Variants in PTPRG observed in about 807,000 individuals in gnomAD.
PTPRG encodes the protein receptor-type tyrosine-protein phosphatase gamma.
In PTPRG, 102 loss-of-function variants were observed where a neutral mutation model predicts 165.3. The observed-to-expected ratio is 0.62, with a 90% CI of 0.53 to 0.73. The LOEUF (loss-of-function observed/expected upper bound fraction) is 0.73, where lower values mean the gene tolerates loss of function less well. Ranked by LOEUF, PTPRG falls within the 30% of genes least tolerant of loss-of-function variation. The pLI is 0.00. For synonymous variants in PTPRG, 675 were observed against 669.5 expected, an observed-to-expected ratio of 1.01 and a Z score of -0.13; for missense variants, 1,866 against 1,861.4, an observed-to-expected ratio of 1.00 and a Z score of -0.05.
At chr3:62,247,204 C>CT (rs1198238872) in intron 15 of PTPRG, among the ~76,000 whole-genome samples, 6 of 152,050 alleles carry the variant, frequency 3.9e-5, no homozygotes, top group Admixed American at 3.3e-4. Context: ...GGTTCAGAGA[C>CT]TTTTTTTTAA....
chr3:61,817,090 TTAC>T (rs2035798080), intron 2 of PTPRG, among the ~76,000 whole-genome samples: 1 of 130,868 alleles, frequency 7.6e-6, no homozygotes, highest in Non-Finnish European at 1.6e-5. Context: ...ATAATATATA[TTAC>T]ATATTATTAC....
intron 1 of PTPRG, among the ~76,000 whole-genome samples, chr3:61,671,157 T>A (rs76130257): frequency 6.1e-5 from 7 of 114,456 alleles, no homozygotes; most frequent in Admixed American, 2.8e-4. Context: ...TTTTTTTTTT[T>A]AATTGATCAT....
chr3:61,685,317 A>G (rs1384513609), intron 1 of PTPRG, among the ~76,000 whole-genome samples: 1 of 152,206 alleles, frequency 6.6e-6, no homozygotes, highest in African/African-American at 2.4e-5. Flanking sequence ...TTTGGTTAGA[A>G]AGGAAGTCTG....
intron 20 of PTPRG, among the ~76,000 whole-genome samples, chr3:62,270,726 A>G (rs1702032239): frequency 6.6e-6 from 1 of 152,220 alleles, no homozygotes; most frequent in Non-Finnish European, 1.5e-5. Context: ...AAAATTTAGA[A>G]ATTAGGTATT....
chr3:61,894,056 C>G (rs1575761037), intron 2 of PTPRG, among the ~76,000 whole-genome samples: 1 of 152,110 alleles, frequency 6.6e-6, no homozygotes, highest in East Asian at 1.9e-4. Context: ...CTAATCCCAG[C>G]ACTGTGAGAG....
chr3:61,572,522 A>G (rs1700079444), intron 1 of PTPRG, among the ~76,000 whole-genome samples: 1 of 152,180 alleles, frequency 6.6e-6, no homozygotes, highest in South Asian at 2.1e-4. Flanking sequence ...ACTGCATTTA[A>G]AAGAAAAAAT....
intron 1 of PTPRG, among the ~76,000 whole-genome samples, chr3:61,720,110 A>T (rs1158821548): frequency 6.6e-6 from 1 of 151,612 alleles, no homozygotes; most frequent in Middle Eastern, 3.2e-3. Context: ...AAACACCATG[A>T]TGACAAGGGA....
chr3:62,267,428 A>T lies in PTPRG; in HGVS notation c.2675A>T (p.Lys892Met). The change falls in exon 18 of 30, where the codon AAG (lysine) becomes ATG (methionine). Residue 892 changes from lysine to methionine, a missense_variant. Transcript: ENST00000474889. ...TCTATAGATGATCACAGTAGGGTGA[A>T]GTTAAGACCTTTACCAGGAAAAGAC... ...NILAYDHSRV[K>M]LRPLPGKDSK... 6.2e-7 allele frequency: 1 copy of T among 1,609,094 alleles called. No homozygotes were observed. Among genetic ancestry groups the T allele is most frequent in the Non-Finnish European group, 8.5e-7 (1 of 1,176,428 alleles).
At chr3:61,769,809 C>A (rs1443466120) in intron 2 of PTPRG, 1 of 151,974 alleles carries the variant, frequency 6.6e-6, no homozygotes, top group African/African-American at 2.4e-5. Context: ...CTTGAACTGT[C>A]CTTTTGTTTT....
chr3:61,598,839 C>T (rs944124103), intron 1 of PTPRG, among the ~76,000 whole-genome samples: 4 of 152,022 alleles, frequency 2.6e-5, no homozygotes, highest in Non-Finnish European at 5.9e-5. Flanking sequence ...CATTCTTTGG[C>T]CCGCGGAAGC....
chr3:61,661,096 A>T lies in PTPRG; in HGVS notation c.86-87782A>T, dbSNP rs1378926572. ...AATTTTTTTTTTTTCTTTAAGAGAC[A>T]AGAGTCTTGCTCAGTTGTCCAGGCT... On this transcript the variant is annotated intron_variant, in intron 1 of 29. Coordinates refer to ENST00000474889, the MANE Select transcript of PTPRG (RefSeq NM_002841.4). 2.6e-5 allele frequency among the ~76,000 whole-genome samples: 4 copies of T among 151,950 alleles called. No individual in the cohort carries two copies. In the East Asian group the frequency reaches 7.7e-4, roughly 29 times the overall value.
At chr3:61,604,788 G>A (rs1301417760) in intron 1 of PTPRG, among the ~76,000 whole-genome samples, 2 of 152,064 alleles carry the variant, frequency 1.3e-5, no homozygotes, top group African/African-American at 4.8e-5. Context: ...GCCACATGGA[G>A]GGTTCATTGT....
Position 62,036,983 on chromosome 3 carries a change from G to GCGCGCACA in PTPRG, c.519+33487_519+33488insGCGCACAC, listed in dbSNP as rs145992725. ...CAGTGCTGCACGTGCGCGCGCGCACGCACACACACACACACACACACACAC... is the reference window on the plus strand; with the variant it reads ...CAGTGCTGCACGTGCGCGCGCGCACGCGCGCACACACACACACACACACACACACACAC... On this transcript the variant is annotated intron_variant, in intron 4 of 29. Coordinates refer to ENST00000474889, the MANE Select transcript of PTPRG (RefSeq NM_002841.4). Among the ~76,000 whole-genome samples, 14 of 150,562 alleles carry GCGCGCACA rather than the reference G, an allele frequency of 9.3e-5. No homozygotes were observed. In the East Asian group the frequency reaches 1.8e-3, roughly 19 times the overall value.
At chr3:62,098,750 C>T (rs1029226592) in intron 5 of PTPRG, among the ~76,000 whole-genome samples, 4 of 152,190 alleles carry the variant, frequency 2.6e-5, no homozygotes, top group African/African-American at 4.8e-5. Context: ...TGTGAATATT[C>T]TAGAAGACAT....
chr3:61,571,255 G>T (rs1700047421), intron 1 of PTPRG, among the ~76,000 whole-genome samples: 1 of 152,222 alleles, frequency 6.6e-6, no homozygotes, highest in South Asian at 2.1e-4. Context: ...GGGGTAGCAA[G>T]GCGCGGGGAG....
rs563351836 is a variant in PTPRG at position 61,704,658 on chromosome 3, G to A, written c.86-44220G>A. On this transcript the variant is annotated intron_variant, in intron 1 of 29. Coordinates refer to ENST00000474889, the MANE Select transcript of PTPRG (RefSeq NM_002841.4). ...AAATGCTATGGTAAAAACACCTGGT[G>A]GCTGTTGCCTTAAAGAAAAACTCCT... 1.3e-4 allele frequency among the ~76,000 whole-genome samples: 19 copies of A among 150,746 alleles called. No individual in the cohort carries two copies. The East Asian group carries it at 2.6e-3, about 20-fold the overall frequency.
chr3:61,855,384 T>C (rs1490800327), intron 2 of PTPRG, among the ~76,000 whole-genome samples: 1 of 152,196 alleles, frequency 6.6e-6, no homozygotes, highest in Non-Finnish European at 1.5e-5. Flanking sequence ...TAGACTTTCA[T>C]GGTGTAGAGA....
intron 2 of PTPRG, among the ~76,000 whole-genome samples, chr3:61,930,211 CT>C (rs1347106303): frequency 2.0e-5 from 3 of 152,098 alleles, no homozygotes; most frequent in African/African-American, 7.2e-5. Context: ...GCCATCTTGC[CT>C]GTTTCAGCTG....
chr3:62,100,509 A>G lies in PTPRG; in HGVS notation c.615+22251A>G, dbSNP rs538045231. 1.4e-3 allele frequency among the ~76,000 whole-genome samples: 212 copies of G among 152,232 alleles called. 2 individuals are homozygous for G. Among genetic ancestry groups the G allele is most frequent in the Non-Finnish European group, 2.6e-3 (174 of 68,010 alleles). On this transcript the variant is annotated intron_variant, in intron 5 of 29. Coordinates refer to ENST00000474889, the MANE Select transcript of PTPRG (RefSeq NM_002841.4). Reference sequence around the variant, plus strand: ...ACCACAGAGAGGGGCTTTCTTCACCATGGATTTGGCATCCCTTCAGTTAGA... The same window carrying G: ...ACCACAGAGAGGGGCTTTCTTCACCGTGGATTTGGCATCCCTTCAGTTAGA...
Sources: gnomAD v4.1 joint callset for allele counts (sites outside exome capture counted in the v4.1 genomes callset) on GRCh38, gnomAD v4.1.1 for gene constraint, MANE v1.5 for transcripts, NCBI Gene and HGNC (gene_info 2026-07-23, HGNC 2026-07-21) for gene names.